Variants in ASAP1 observed in about 807,000 individuals in gnomAD.
The protein encoded by ASAP1 is ArfGAP with SH3 domain, ankyrin repeat and PH domain 1.
In ASAP1, 43 loss-of-function variants were observed where a neutral mutation model predicts 145.2. The ratio of observed to expected loss-of-function variants is 0.30; its 90% confidence interval spans 0.23 to 0.38. The LOEUF (loss-of-function observed/expected upper bound fraction) is 0.38, where lower values mean the gene tolerates loss of function less well. Ranked by LOEUF, ASAP1 falls within the 10% of genes least tolerant of loss-of-function variation. The pLI is 1.00. For synonymous variants in ASAP1, 546 were observed against 515.5 expected, an observed-to-expected ratio of 1.06 and a Z score of -0.80; for missense variants, 1,018 against 1,355.3, an observed-to-expected ratio of 0.75 and a Z score of 3.91.
At chr8:130,070,171 G>C (rs1416960203) in intron 27 of ASAP1, among the ~76,000 whole-genome samples, 2 of 152,092 alleles carry the variant, frequency 1.3e-5, no homozygotes, top group Non-Finnish European at 2.9e-5. Flanking sequence ...TGAGTAGCTG[G>C]GACTACAGGC....
chr8:130,117,237 A>C (rs533644668), intron 20 of ASAP1, among the ~76,000 whole-genome samples: 1 of 152,368 alleles, frequency 6.6e-6, no homozygotes, highest in South Asian at 2.1e-4. Context: ...GTATTAGTTC[A>C]TTGAATCTTT....
intron 3 of ASAP1, among the ~76,000 whole-genome samples, chr8:130,260,135 T>C (rs1183305112): frequency 1.3e-5 from 2 of 152,246 alleles, no homozygotes; most frequent in African/African-American, 4.8e-5. Flanking sequence ...TTATTCCCAA[T>C]GTTTCTTGTT....
intron 4 of ASAP1, among the ~76,000 whole-genome samples, chr8:130,229,545 T>C (rs1042206558): frequency 4.6e-5 from 7 of 152,192 alleles, no homozygotes; most frequent in Admixed American, 1.3e-4. Context: ...TTAACAGTCA[T>C]TAATCTGAAT....
In ASAP1 at chr8:130,392,289, T is replaced by C. The variant is rs528927969; in HGVS notation, c.59+9596A>G. On this transcript the variant is annotated intron_variant, in intron 2 of 29. Coordinates refer to ENST00000518721, the MANE Select transcript of ASAP1 (RefSeq NM_018482.4). ...CTGCCTTAGAGACTATCAGAGTGCT[T>C]GATACAGAGAAGCTGTGCAATGTTT... 9.8e-5 allele frequency among the ~76,000 whole-genome samples: 15 copies of C among 152,314 alleles called. No individual in the cohort carries two copies. The East Asian group carries it at 2.9e-3, about 29-fold the overall frequency.
intron 27 of ASAP1, among the ~76,000 whole-genome samples, chr8:130,068,071 C>A (rs2097434135): frequency 6.6e-6 from 1 of 152,104 alleles, no homozygotes; most frequent in South Asian, 2.1e-4. Context: ...GGGTATGAAG[C>A]CACAGCTGTG....
intron 1 of ASAP1, among the ~76,000 whole-genome samples, chr8:130,424,612 G>C (rs1287431324): frequency 6.6e-6 from 1 of 152,138 alleles, no homozygotes; most frequent in South Asian, 2.1e-4. Flanking sequence ...GGTGATAAAA[G>C]GGACCAGGTG....
At chr8:130,401,638 T>C (rs1436888218) in intron 2 of ASAP1, among the ~76,000 whole-genome samples, 3 of 152,164 alleles carry the variant, frequency 2.0e-5, no homozygotes, top group Admixed American at 1.3e-4. Flanking sequence ...TGACTTCTTA[T>C]AGGCACCACC....
At chr8:130,191,895 T>C (rs1815164125) in intron 5 of ASAP1, among the ~76,000 whole-genome samples, 1 of 152,284 alleles carries the variant, frequency 6.6e-6, no homozygotes, top group Non-Finnish European at 1.5e-5. Context: ...AACTTCTTCC[T>C]AACCCTTTCC....
In ASAP1 at chr8:130,428,746, T is replaced by A. The variant is rs1257081005; in HGVS notation, c.-28+14714A>T. 2.8e-5 allele frequency among the ~76,000 whole-genome samples: 4 copies of A among 145,246 alleles called. No individual in the cohort carries two copies. The East Asian group carries it at 6.4e-4, about 23-fold the overall frequency. On this transcript the variant is annotated intron_variant, in intron 1 of 29. Coordinates refer to ENST00000518721, the MANE Select transcript of ASAP1 (RefSeq NM_018482.4). ...ATCATCACTACCAACATCACCACCA[T>A]CAGCAGCACCATTATCATCCCCATT... is the stretch of plus-strand genomic sequence containing the variant.
chr8:130,388,224 T>C (rs1828113646), intron 2 of ASAP1, among the ~76,000 whole-genome samples: 1 of 152,130 alleles, frequency 6.6e-6, no homozygotes, highest in Non-Finnish European at 1.5e-5. Flanking sequence ...CTGAAGCCTC[T>C]TGGGGAAACG....
chr8:130,345,074 T>G (rs1185978175), intron 3 of ASAP1, among the ~76,000 whole-genome samples: 1 of 152,202 alleles, frequency 6.6e-6, no homozygotes, highest in African/African-American at 2.4e-5. Flanking sequence ...TGAGAAATTA[T>G]TTTTAACTTT....
intron 3 of ASAP1, among the ~76,000 whole-genome samples, chr8:130,347,765 T>C (rs1309300169): frequency 6.6e-6 from 1 of 152,206 alleles, no homozygotes; most frequent in Non-Finnish European, 1.5e-5. Flanking sequence ...GACACCAATG[T>C]GGTGTAGGGC....
At chr8:130,314,773 A>G (rs1481463666) in intron 3 of ASAP1, among the ~76,000 whole-genome samples, 1 of 152,254 alleles carries the variant, frequency 6.6e-6, no homozygotes, top group Non-Finnish European at 1.5e-5. Context: ...ACTAAACATT[A>G]AACAATCCAA....
intron 2 of ASAP1, among the ~76,000 whole-genome samples, chr8:130,381,804 C>G (rs1827781890): frequency 6.6e-6 from 1 of 152,176 alleles, no homozygotes; most frequent in African/African-American, 2.4e-5. Flanking sequence ...CCCCTGAGGG[C>G]CTTTGCACGT....
intron 26 of ASAP1, among the ~76,000 whole-genome samples, chr8:130,077,444 G>C (rs751231143): frequency 5.7e-4 from 87 of 151,438 alleles, no homozygotes; most frequent in Non-Finnish European, 1.1e-3. Flanking sequence ...CAGTAGCCAA[G>C]TGCCTGAGCC....
At chr8:130,133,664 A>AAAAC (rs151021142) in intron 15 of ASAP1, among the ~76,000 whole-genome samples, 19 of 148,340 alleles carry the variant, frequency 1.3e-4, no homozygotes, top group African/African-American at 2.5e-4. Context: ...CTCCGTCTCA[A>AAAAC]AAACAAACAA....
intron 11 of ASAP1, among the ~76,000 whole-genome samples, chr8:130,160,587 T>C (rs1398029769): frequency 2.0e-5 from 3 of 151,904 alleles, no homozygotes; most frequent in African/African-American, 7.3e-5. Context: ...ACCAACAACA[T>C]AGATGTAAAA....
intron 3 of ASAP1, among the ~76,000 whole-genome samples, chr8:130,278,819 G>A (rs561121836): frequency 2.0e-4 from 31 of 152,178 alleles, no homozygotes; most frequent in Admixed American, 3.9e-4. Flanking sequence ...AACCACTCTG[G>A]GGGCAGAACC....
intron 3 of ASAP1, among the ~76,000 whole-genome samples, chr8:130,255,982 C>T (rs1819490928): frequency 6.6e-6 from 1 of 152,174 alleles, no homozygotes; most frequent in African/African-American, 2.4e-5. Context: ...TCTTAACATG[C>T]ACCCTTTCAA....
Sources: allele counts gnomAD v4.1 joint callset (sites outside exome capture counted in the v4.1 genomes callset), GRCh38; gene constraint gnomAD v4.1.1; transcripts MANE v1.5; gene names NCBI Gene and HGNC (gene_info 2026-07-23, HGNC 2026-07-21).